The following JMJD1C variants were observed in gnomAD, a reference collection of about 807,000 sequenced individuals.
JMJD1C encodes jumonji domain-containing protein 1C.
A neutral mutation model predicts 245.3 loss-of-function variants in JMJD1C; 31 were observed. The observed-to-expected ratio is 0.13, with a 90% confidence interval of 0.09 to 0.17. The LOEUF (loss-of-function observed/expected upper bound fraction) is 0.17, where lower values mean the gene tolerates loss of function less well. Among genes scored for constraint, JMJD1C ranks in the 10% least tolerant of loss-of-function variants. The pLI is 1.00. For missense variants in JMJD1C, 2,691 were observed against 3,000.2 expected (o/e 0.90, Z 2.41); for synonymous variants, 1,057 against 1,017.4 (o/e 1.04, Z -0.74).
intron 10 of JMJD1C, 115 bp from the exon 11 acceptor site, chr10:63,200,792 AG>A (rs1218102275): frequency 5.8e-6 from 5 of 863,554 alleles, no homozygotes; most frequent in Non-Finnish European, 9.0e-6. Context: ...ACTTTAGTAA[AG>A]AAGCAAAGAC....
At position 63,317,226 on chromosome 10, in the gene JMJD1C, C is replaced by A. The variant is rs577498149; in HGVS notation, c.334-52462G>T. Among the ~76,000 whole-genome samples the A allele has an allele frequency of 2.6e-5, 4 of 151,664 alleles. No homozygotes were observed. In the East Asian group the frequency reaches 7.9e-4, roughly 30 times the overall value. ...CTCTTCTATTTTGAAATATAAAACG[C>A]TGGATATGGTGGCTCATGCCTGTAA... On this transcript the variant is annotated intron_variant, in intron 2 of 25. Transcript: ENST00000399262.
chr10:63,388,964 A>G (rs1018834814), intron 1 of JMJD1C, among the ~76,000 whole-genome samples: 2 of 152,226 alleles, frequency 1.3e-5, no homozygotes, highest in Non-Finnish European at 2.9e-5. Flanking sequence ...TCAAGAAAAT[A>G]TAACAATTCT....
chr10:63,180,578 A>T (rs887385173), intron 22 of JMJD1C, among the ~76,000 whole-genome samples: 6 of 152,182 alleles, frequency 3.9e-5, no homozygotes, highest in Non-Finnish European at 8.8e-5. Context: ...AACATAAAAA[A>T]ATCATCCTTT....
chr10:63,494,210 C>T (rs1480667253), intron 1 of JMJD1C, among the ~76,000 whole-genome samples: 1 of 152,048 alleles, frequency 6.6e-6, no homozygotes, highest in African/African-American at 2.4e-5. Context: ...ACTTGGGAAG[C>T]TGAGGCAGGA....
Position 63,207,851 on chromosome 10 carries a change from G to A in JMJD1C, c.3818C>T (p.Thr1273Met), listed in dbSNP as rs375835104. ...GTTATTATTAGGTCTCCACATCTCC[G>A]TCAAACTCTGTTCTGAAGAACTCTT... The part of the protein sequence containing the change: ...NFKSSSEQSL[T>M]EMWRPNNNLS... The change falls in exon 10 of 26, where the codon ACG becomes ATG. Residue 1273 changes from threonine (T) to methionine (M), a missense_variant. Thr to Met is a moderately conservative substitution (Grantham distance 81). This residue lies in a region of JMJD1C where 1,562 missense variants were observed against 1,490.7 expected (regional missense o/e 1.05). Coordinates refer to ENST00000399262, the MANE Select transcript of JMJD1C (RefSeq NM_032776.3). 90 of 1,613,946 alleles carry A rather than the reference G, an allele frequency of 5.6e-5. No homozygotes were observed. The highest frequency in any genetic ancestry group is 1.1e-4 in the East Asian group (5 of 44,904).
chr10:63,357,826 G>GACACACACACACAC (rs35073293), intron 2 of JMJD1C, among the ~76,000 whole-genome samples: 85 of 140,530 alleles, frequency 6.0e-4, no homozygotes, highest in East Asian at 3.9e-3. Flanking sequence ...CAGACAGACA[G>GACACACACACACAC]ACACACACAC....
At chr10:63,257,206 G>A (rs1476692465) in intron 3 of JMJD1C, among the ~76,000 whole-genome samples, 1 of 132,610 alleles carries the variant, frequency 7.5e-6, no homozygotes, top group African/African-American at 2.9e-5. Context: ...CAGCCTGGGT[G>A]ACAGAGTGAG....
At chr10:63,256,122 T>C (rs1438071505) in intron 3 of JMJD1C, among the ~76,000 whole-genome samples, 4 of 152,304 alleles carry the variant, frequency 2.6e-5, no homozygotes, top group Middle Eastern at 6.8e-3. Context: ...ACAGCAGATT[T>C]GGGACCAGGA....
intron 1 of JMJD1C, among the ~76,000 whole-genome samples, chr10:63,424,479 CA>C (rs1378484258): frequency 2.8e-5 from 4 of 144,478 alleles, no homozygotes; most frequent in African/African-American, 1.0e-4. Flanking sequence ...TTAACTTACA[CA>C]AAAACCATTA....
At chr10:63,181,218 G>A (rs1468132825) in intron 22 of JMJD1C, among the ~76,000 whole-genome samples, 1 of 152,088 alleles carries the variant, frequency 6.6e-6, no homozygotes, top group East Asian at 1.9e-4. Context: ...GACAGTTGAT[G>A]TTTCTAAAAT....
In JMJD1C at chr10:63,181,812, G is replaced by A. The variant is rs531358784; in HGVS notation, c.7084+1635C>T. Among the ~76,000 whole-genome samples, 4 of 152,288 alleles carry A rather than the reference G, an allele frequency of 2.6e-5. No individual in the cohort carries two copies. In the South Asian group the frequency reaches 8.3e-4, roughly 32 times the overall value. Reference sequence around the variant, plus strand: ...GGGAAAGATCTGAACAAACTACAATGAGATACAAAGGATGTAACTCCATGG... The same window carrying A: ...GGGAAAGATCTGAACAAACTACAATAAGATACAAAGGATGTAACTCCATGG... On this transcript the variant is annotated intron_variant, in intron 22 of 25. Transcript: ENST00000399262.
intron 2 of JMJD1C, among the ~76,000 whole-genome samples, chr10:63,282,055 G>A (rs1205195731): frequency 2.0e-5 from 3 of 151,982 alleles, no homozygotes; most frequent in Admixed American, 6.6e-5. Context: ...TTTCCTAATC[G>A]TTTCATTGTT....
chr10:63,375,398 T>C (rs1946652945), intron 2 of JMJD1C, among the ~76,000 whole-genome samples: 1 of 151,962 alleles, frequency 6.6e-6, no homozygotes, highest in Admixed American at 6.6e-5. Context: ...AATAATTCCA[T>C]TTGCAAGAGC....
At chr10:63,228,794 G>C (rs753737105) in intron 3 of JMJD1C, among the ~76,000 whole-genome samples, 1 of 152,048 alleles carries the variant, frequency 6.6e-6, no homozygotes, top group African/African-American at 2.4e-5. Context: ...CACCAGTAAA[G>C]ACAAAAATAT....
At chr10:63,300,406 T>A (rs1859947096) in intron 2 of JMJD1C, among the ~76,000 whole-genome samples, 1 of 152,198 alleles carries the variant, frequency 6.6e-6, no homozygotes, top group South Asian at 2.1e-4. Context: ...ATCATCTAAG[T>A]TTGCTACTTT....
chr10:63,355,559 C>A (rs1212021502), intron 2 of JMJD1C, among the ~76,000 whole-genome samples: 2 of 151,982 alleles, frequency 1.3e-5, no homozygotes, highest in Admixed American at 6.6e-5. Context: ...GACCAGAAAG[C>A]TACTCTTGGA....
chr10:63,306,323 C>T (rs1053210849), intron 2 of JMJD1C, among the ~76,000 whole-genome samples: 14 of 152,156 alleles, frequency 9.2e-5, no homozygotes, highest in African/African-American at 2.4e-4. Flanking sequence ...CTACTGGCCT[C>T]GAATGATCTG....
intron 3 of JMJD1C, among the ~76,000 whole-genome samples, chr10:63,220,556 C>T (rs1473114074): frequency 1.3e-5 from 2 of 152,188 alleles, no homozygotes; most frequent in Non-Finnish European, 2.9e-5. Context: ...ATTAAAATTA[C>T]ATTATTGATG....
At chr10:63,509,437 G>T (rs1186637597) in intron 1 of JMJD1C, among the ~76,000 whole-genome samples, 1 of 152,192 alleles carries the variant, frequency 6.6e-6, no homozygotes, top group East Asian at 1.9e-4. Flanking sequence ...GAATTAAGAT[G>T]TATTTCCCCT....
Sources: gnomAD v4.1 joint callset for allele counts (sites outside exome capture counted in the v4.1 genomes callset) on GRCh38, gnomAD v4.1.1 for gene constraint, gnomAD v4.1.1 regional missense constraint, MANE v1.5 for transcripts, NCBI Gene and HGNC (gene_info 2026-07-23, HGNC 2026-07-21) for gene names.